The following BRAF variants were observed in gnomAD, a reference collection of about 807,000 sequenced individuals.
The protein encoded by BRAF is serine/threonine-protein kinase B-raf.
A neutral mutation model predicts 104.6 loss-of-function variants in BRAF; 16 were observed. The observed-to-expected ratio is 0.15, with a 90% CI of 0.10 to 0.23. The LOEUF (loss-of-function observed/expected upper bound fraction) is 0.23. BRAF is among the 10% of genes least tolerant of loss of function. BRAF has a pLI of 1.00. For synonymous variants in BRAF, 310 were observed against 341.6 expected (o/e 0.91, Z 1.02); for missense variants, 541 against 937.3 (o/e 0.58, Z 5.52).
At chr7:140,878,361 A>G (rs1468156787) in intron 1 of BRAF, among the ~76,000 whole-genome samples, 1 of 152,176 alleles carries the variant, frequency 6.6e-6, no homozygotes, top group East Asian at 1.9e-4. Flanking sequence ...GGATTTAGCA[A>G]TGGATTCTTA....
chr7:140,821,549 C>A (rs1385458436), intron 3 of BRAF, among the ~76,000 whole-genome samples: 1 of 151,900 alleles, frequency 6.6e-6, no homozygotes, highest in Non-Finnish European at 1.5e-5. Context: ...AGTGATCCTC[C>A]CGCCTCAACC....
At chr7:140,821,330 C>T (rs949367266) in intron 3 of BRAF, among the ~76,000 whole-genome samples, 1 of 143,064 alleles carries the variant, frequency 7.0e-6, no homozygotes, top group Admixed American at 7.3e-5. Flanking sequence ...GACAGAGTCT[C>T]GCTCTGTCAC....
chr7:140,862,552 C>T (rs1304987219), intron 1 of BRAF, among the ~76,000 whole-genome samples: 4 of 152,306 alleles, frequency 2.6e-5, no homozygotes, highest in African/African-American at 7.2e-5. Context: ...CTCATATCTA[C>T]ATAAATCCTA....
chr7:140,724,645 T>C lies in BRAF; in HGVS notation c.*1849A>G. The C allele has an allele frequency of 1.9e-6, 2 of 1,035,660 alleles. No individual in the cohort carries two copies. Among genetic ancestry groups the C allele is most frequent in the Non-Finnish European group, 2.3e-6 (2 of 860,412 alleles). The allele number at this position is 1,035,660 out of a possible 1,614,324, so 64.2% of individuals were successfully genotyped here. On this transcript the variant is annotated 3_prime_UTR_variant, in exon 20 of 20. Coordinates refer to ENST00000644969, the MANE Select transcript of BRAF (RefSeq NM_001374258.1). Reference sequence around the variant, plus strand: ...TACATGTATGTTAGCAAAAATCTAATGGTAGTGAGCTTTTAGTGGCTGCAA... The same window carrying C: ...TACATGTATGTTAGCAAAAATCTAACGGTAGTGAGCTTTTAGTGGCTGCAA...
chr7:140,824,899 G>C (rs1160374206), intron 3 of BRAF, among the ~76,000 whole-genome samples: 1 of 151,764 alleles, frequency 6.6e-6, no homozygotes, highest in Non-Finnish European at 1.5e-5. Context: ...GTCTTCTCAT[G>C]CGTTTATTAC....
chr7:140,765,754 CA>C (rs1248796103), intron 14 of BRAF, among the ~76,000 whole-genome samples: 1 of 152,022 alleles, frequency 6.6e-6, no homozygotes, highest in African/African-American at 2.4e-5. Context: ...AATGAGATAC[CA>C]TCTCACACCA....
intron 14 of BRAF, among the ~76,000 whole-genome samples, chr7:140,763,737 A>G (rs943028444): frequency 2.0e-5 from 3 of 152,356 alleles, no homozygotes; most frequent in African/African-American, 7.2e-5. Flanking sequence ...CTCTCCCAAG[A>G]CTAAACCAGG....
chr7:140,777,723 A>G (rs1800469134), intron 13 of BRAF, among the ~76,000 whole-genome samples: 1 of 152,212 alleles, frequency 6.6e-6, no homozygotes, highest in African/African-American at 2.4e-5. Context: ...TATTCTTTTC[A>G]TAAGTAGAAC....
At chr7:140,736,874 AACCACCACC>A in intron 18 of BRAF, among the ~76,000 whole-genome samples, 1 of 151,666 alleles carries the variant, frequency 6.6e-6, no homozygotes, top group East Asian at 1.9e-4. Flanking sequence ...CTATCTCTAC[AACCACCACC>A]ACCACCACCA....
At chr7:140,853,430 C>T (rs1809416636) in intron 1 of BRAF, among the ~76,000 whole-genome samples, 1 of 152,084 alleles carries the variant, frequency 6.6e-6, no homozygotes, top group Admixed American at 6.5e-5. Context: ...CCTCCACTGG[C>T]TTCCCCACTA....
downstream of BRAF, among the ~76,000 whole-genome samples, chr7:140,714,581 G>C (rs1352508286): frequency 6.6e-6 from 1 of 152,158 alleles, no homozygotes; most frequent in African/African-American, 2.4e-5. Context: ...AGCTGGTCTT[G>C]AAGTCGAGGC....
intron 17 of BRAF, among the ~76,000 whole-genome samples, chr7:140,748,272 C>T (rs947159191): frequency 6.6e-6 from 1 of 152,114 alleles, no homozygotes; most frequent in Non-Finnish European, 1.5e-5. Context: ...CATTTATATA[C>T]AAAAACTACC....
chr7:140,718,093 A>G (rs1321546173), downstream of BRAF, among the ~76,000 whole-genome samples: 1 of 152,152 alleles, frequency 6.6e-6, no homozygotes, highest in Non-Finnish European at 1.5e-5. Flanking sequence ...ATAAGGATAA[A>G]CAGGTGAAGT....
intron 17 of BRAF, among the ~76,000 whole-genome samples, chr7:140,744,129 G>A (rs1181439912): frequency 2.0e-5 from 3 of 152,220 alleles, no homozygotes; most frequent in South Asian, 4.1e-4. Flanking sequence ...CATGGGCCAT[G>A]CCAGACAGAC....
rs1795593437 is a variant in BRAF, at chr7:140,726,273, T to A, written c.*221A>T. On this transcript the variant is annotated 3_prime_UTR_variant, in exon 20 of 20. Transcript: ENST00000644969. ...ACTGGGCAGACTTGTATGCTCGTGG[T>A]ATTTTTGTTGAAGAAACACTGGCAG... is the stretch of plus-strand genomic sequence containing the variant. 3.5e-6 allele frequency: 5 copies of A among 1,409,744 alleles called. No homozygotes were observed. Among genetic ancestry groups the A allele is most frequent in the South Asian group, 1.6e-5 (1 of 61,214 alleles). The allele number at this position is 1,409,744 out of a possible 1,614,324, so 87.3% of individuals were successfully genotyped here. A position where few individuals can be genotyped will look rare whatever the true frequency, so the allele number is the denominator to read the frequency against.
At chr7:140,731,886 T>C (rs985223699) in intron 19 of BRAF, 3 of 151,980 alleles carry the variant, frequency 2.0e-5, no homozygotes, top group African/African-American at 7.2e-5. Flanking sequence ...AAATCAACTT[T>C]TAAGGCCGGG....
At chr7:140,780,449 C>T (rs1290677953) in intron 12 of BRAF, 2 of 152,036 alleles carry the variant, frequency 1.3e-5, no homozygotes, top group East Asian at 3.9e-4. Context: ...ACTATGTTGG[C>T]CAAGCTGGTC....
At chr7:140,754,102 C>T (rs1205123297) in intron 15 of BRAF, 85 bp downstream of exon 14, 3 of 1,372,540 alleles carry the variant, frequency 2.2e-6, no homozygotes, top group African/African-American at 1.4e-5. Context: ...AGCATGAAAA[C>T]TGTTTTTACA....
Position 140,762,574 on chromosome 7 carries a change from C to T in BRAF, c.1815-8341G>A, listed in dbSNP as rs145116308. 5.0e-4 allele frequency among the ~76,000 whole-genome samples: 71 copies of T among 141,428 alleles called. 1 individual carries two copies. The East Asian group carries it at 0.014, about 28-fold the overall frequency. The allele number at this position is 141,428 out of a possible 152,430, so 92.8% of individuals were successfully genotyped here. ...CTGAAGGAAATAGAGACAAAAAAAC[C>T]CTTCAAAAAATTAATGAATCCAGGA... On this transcript the variant is annotated intron_variant, in intron 14 of 19. Transcript: ENST00000644969.
Sources: allele counts gnomAD v4.1 joint callset (sites outside exome capture counted in the v4.1 genomes callset), GRCh38; gene constraint gnomAD v4.1.1; transcripts MANE v1.5; gene names NCBI Gene and HGNC (gene_info 2026-07-23, HGNC 2026-07-21).